CFLAR: variants seen among roughly 807,000 people sequenced by gnomAD.
CFLAR encodes the protein CASP8 and FADD-like apoptosis regulator.
A neutral mutation model predicts 51.1 loss-of-function variants in CFLAR; 14 were observed. The ratio of observed to expected loss-of-function variants is 0.27; its 90% CI spans 0.18 to 0.43. The LOEUF is 0.43. Ranked by LOEUF, CFLAR falls within the 20% of genes least tolerant of loss-of-function variation. The probability of loss-of-function intolerance (pLI) is 1.00; values close to 1 mark genes in which losing one functional copy is unlikely to be tolerated. For missense variants in CFLAR, 390 were observed against 566.5 expected, an observed-to-expected ratio of 0.69 and a Z score of 3.16; for synonymous variants, 210 against 211.6, an observed-to-expected ratio of 0.99 and a Z score of 0.06.
intron 1 of CFLAR, among the ~76,000 whole-genome samples, chr2:201,126,854 A>T (rs1482754975): frequency 6.6e-6 from 1 of 152,170 alleles, no homozygotes; most frequent in Admixed American, 6.5e-5. Context: ...GTGAAAGATA[A>T]CTCTGACTTG....
rs183805721 is a variant in CFLAR at position 201,120,476 on chromosome 2, A to G, written c.-138+3995A>G. Among the ~76,000 whole-genome samples the G allele has an allele frequency of 6.6e-5, 10 of 152,294 alleles. No homozygotes were observed. In the East Asian group the frequency reaches 1.9e-3, roughly 29 times the overall value. On this transcript the variant is annotated intron_variant, in intron 1 of 9. Transcript: ENST00000309955. Reference sequence around the variant, plus strand: ...TGCCATCTTTGGTGATTTAGTACTTATTATGAAAGAGAGAAGCTACACCAC... The same window carrying G: ...TGCCATCTTTGGTGATTTAGTACTTGTTATGAAAGAGAGAAGCTACACCAC...
At chr2:201,156,114 T>C (rs932906718) in intron 8 of CFLAR, among the ~76,000 whole-genome samples, 3 of 152,226 alleles carry the variant, frequency 2.0e-5, no homozygotes, top group Admixed American at 6.5e-5. Context: ...AGCTCTTTGA[T>C]TGAAGTACAT....
intron 5 of CFLAR, 37 bp from the exon 6 acceptor site, chr2:201,145,341 C>T (rs781774974): frequency 1.5e-6 from 2 of 1,291,508 alleles, no homozygotes; most frequent in Non-Finnish European, 2.2e-6. Flanking sequence ...TCTGAAATAA[C>T]TAACAGGAAG....
chr2:201,146,082 T>G (rs1457942078), intron 6 of CFLAR, among the ~76,000 whole-genome samples: 1 of 152,032 alleles, frequency 6.6e-6, no homozygotes, highest in Non-Finnish European at 1.5e-5. Flanking sequence ...TTCTCATGCC[T>G]CAGCCTCCTG....
chr2:201,137,290 G>T, intron 4 of CFLAR: 1 of 259,350 alleles, frequency 3.9e-6, no homozygotes, highest in Non-Finnish European at 7.6e-6. Context: ...CCTGGGTTCA[G>T]GGGGGCTCCC....
In CFLAR at chr2:201,167,423, T is replaced by A. The variant is rs966748621; in HGVS notation, c.*3450T>A. 1 of 152,200 alleles carries A rather than the reference T, an allele frequency of 6.6e-6. No homozygotes were observed. Among genetic ancestry groups the A allele is most frequent in the African/African-American group, 2.4e-5 (1 of 41,410 alleles). 9.4% of individuals were successfully genotyped at this position (152,200 alleles called of 1,614,324 possible). A position where few individuals can be genotyped will look rare whatever the true frequency, so the allele number is the denominator to read the frequency against. On this transcript the variant is annotated 3_prime_UTR_variant, in exon 10 of 10. Coordinates refer to ENST00000309955, the MANE Select transcript of CFLAR (RefSeq NM_003879.7). ...GGGAGGCTGAAGTGAGTGGATCCCC[T>A]GAGCCCAGAGAGGTCAAGGTTGTGA...
At chr2:201,128,973 C>T (rs556026791) in intron 1 of CFLAR, among the ~76,000 whole-genome samples, 2 of 152,306 alleles carry the variant, frequency 1.3e-5, no homozygotes, top group Admixed American at 1.3e-4. Flanking sequence ...CCAGATGTTC[C>T]ACTGAGAACA....
chr2:201,126,667 C>T (rs1044484811), intron 1 of CFLAR, among the ~76,000 whole-genome samples: 3 of 152,198 alleles, frequency 2.0e-5, no homozygotes, highest in Non-Finnish European at 4.4e-5. Flanking sequence ...TCCTCACTTC[C>T]CTGGCTGAGG....
In CFLAR at chr2:201,164,194, G is replaced by A; in HGVS notation, c.*221G>A. 2.7e-6 allele frequency: 1 copy of A among 372,076 alleles called. No homozygotes were observed. The allele number at this position is 372,076 out of a possible 1,614,324, so 23.0% of individuals were successfully genotyped here. A position where few individuals can be genotyped will look rare whatever the true frequency, so the allele number is the denominator to read the frequency against. ...GTGGGAGGATCTTTTGAACCCAGGA[G>A]TTCAGGGTCATAGCATGCTGTGATT... On this transcript the variant is annotated 3_prime_UTR_variant, in exon 10 of 10. Coordinates refer to ENST00000309955, the MANE Select transcript of CFLAR (RefSeq NM_003879.7).
chr2:201,160,766 T>C lies in CFLAR; in HGVS notation c.1128T>C (p.Asp376=). The change falls in exon 9 of 10, where the codon GAT becomes GAC. Residue 376 remains aspartate (D), a synonymous_variant. Coordinates refer to ENST00000309955, the MANE Select transcript of CFLAR (RefSeq NM_003879.7). ...AGGACAGCAGCCTCTTGGAGGTGGA[T>C]GGGCCAGCGATGAAGAATGTGGAAT... ...QLEDSSLLEV[D]GPAMKNVEFK... is the part of the protein sequence containing the mutation. The C allele has an allele frequency of 6.2e-7, 1 of 1,614,088 alleles. No homozygotes were observed. The highest frequency in any genetic ancestry group is 8.5e-7 in the Non-Finnish European group (1 of 1,179,998).
At chr2:201,125,533 G>A (rs1413433648) in intron 1 of CFLAR, among the ~76,000 whole-genome samples, 1 of 152,038 alleles carries the variant, frequency 6.6e-6, no homozygotes, top group Non-Finnish European at 1.5e-5. Flanking sequence ...ACACAGGGAG[G>A]CTTAGCCCTA....
rs1298554599 is a variant in CFLAR, at chr2:201,172,928, CTCA to C, written c.*8960_*8962del. 1 of 152,234 alleles carries C rather than the reference CTCA, an allele frequency of 6.6e-6. No homozygotes were observed. Among genetic ancestry groups the C allele is most frequent in the Non-Finnish European group, 1.5e-5 (1 of 68,042 alleles). 9.4% of individuals were successfully genotyped at this position (152,234 alleles called of 1,614,324 possible). A position where few individuals can be genotyped will look rare whatever the true frequency, so the allele number is the denominator to read the frequency against. On this transcript the variant is annotated 3_prime_UTR_variant, in exon 10 of 10. Coordinates refer to ENST00000309955, the MANE Select transcript of CFLAR (RefSeq NM_003879.7). ...GGCATATACCTTAGAAGTGAGAGTG[CTCA>C]TCATATAGTAACTCTATGTTTAGCC...
intron 1 of CFLAR, chr2:201,119,026 A>C (rs2047903724): frequency 6.6e-6 from 1 of 152,218 alleles, no homozygotes; most frequent in East Asian, 1.9e-4. Flanking sequence ...TTTTGGCCCT[A>C]GGTCTCCTTG....
chr2:201,157,827 T>G (rs1942427528), intron 8 of CFLAR: 1 of 152,280 alleles, frequency 6.6e-6, no homozygotes, highest in African/African-American at 2.4e-5. Context: ...AAGTGCCAGC[T>G]AACAGCCCTT....
chr2:201,145,461 A>G (rs774263004), intron 6 of CFLAR, 29 bp downstream of exon 6: 1 of 1,406,202 alleles, frequency 7.1e-7, no homozygotes, highest in Non-Finnish European at 1.0e-6. Flanking sequence ...AATATTCATT[A>G]TTTATAAATG....
rs534833602 is a variant in CFLAR, at chr2:201,137,782, G to A, written c.523+1675G>A. 158 of 1,127,578 alleles carry A rather than the reference G, an allele frequency of 1.4e-4. 3 individuals are homozygous for A. The South Asian group carries it at 1.8e-3, about 13-fold the overall frequency. 69.8% of individuals were successfully genotyped at this position (1,127,578 alleles called of 1,614,324 possible). On this transcript the variant is annotated intron_variant, in intron 4 of 9. Transcript: ENST00000309955. ...TCCCCGTCGTTGAAGTATTGTTTCT[G>A]GCTGCTGCTGCTCTTCTCCATGGCA...
rs551541807 is a variant in CFLAR at position 201,174,483 on chromosome 2, T to A, written c.*10510T>A. The A allele has an allele frequency of 6.6e-6, 1 of 152,380 alleles. No homozygotes were observed. Among genetic ancestry groups the A allele is most frequent in the East Asian group, 1.9e-4 (1 of 5,196 alleles). 9.4% of individuals were successfully genotyped at this position (152,380 alleles called of 1,614,324 possible). A position where few individuals can be genotyped will look rare whatever the true frequency, so the allele number is the denominator to read the frequency against. ...TGGTAGTACCACACTGTCTTGATTATTGTAACTTCGTAGTAAGTTTTGGAA... is the reference window on the plus strand; with the variant it reads ...TGGTAGTACCACACTGTCTTGATTAATGTAACTTCGTAGTAAGTTTTGGAA... On this transcript the variant is annotated 3_prime_UTR_variant, in exon 10 of 10. Transcript: ENST00000309955.
chr2:201,167,333 A>G lies in CFLAR; in HGVS notation c.*3360A>G, dbSNP rs1009755942. The G allele has an allele frequency of 1.3e-5, 2 of 152,700 alleles. No individual in the cohort carries two copies. Among genetic ancestry groups the G allele is most frequent in the African/African-American group, 2.4e-5 (1 of 41,400 alleles). The allele number at this position is 152,700 out of a possible 1,614,324, so 9.5% of individuals were successfully genotyped here. ...AGCCTGGGCAACATAGCAAGACTCC[A>G]TCTCTACAAAAAAAGACAAAATTTA... On this transcript the variant is annotated 3_prime_UTR_variant, in exon 10 of 10. Coordinates refer to ENST00000309955, the MANE Select transcript of CFLAR (RefSeq NM_003879.7).
At chr2:201,149,192 A>G in intron 7 of CFLAR, 140 bp downstream of exon 7, 2 of 599,298 alleles carry the variant, frequency 3.3e-6, no homozygotes, top group Non-Finnish European at 6.0e-6. Context: ...ACTTCCATAC[A>G]AGGGAACCCT....
Sources: gnomAD v4.1 joint callset for allele counts (sites outside exome capture counted in the v4.1 genomes callset) on GRCh38, gnomAD v4.1.1 for gene constraint, MANE v1.5 for transcripts, NCBI Gene and HGNC (gene_info 2026-07-23, HGNC 2026-07-21) for gene names.